Variants in GPC5 observed in about 807,000 individuals in gnomAD.
The protein encoded by GPC5 is glypican-5.
A neutral mutation model predicts 53.9 loss-of-function variants in GPC5; 47 were observed. That is an observed-to-expected ratio of 0.87 (90% CI 0.69 to 1.11). The LOEUF is 1.11. Ranked by LOEUF, GPC5 falls within the 50% of genes most tolerant of loss-of-function variation. The pLI is 0.00. For synonymous variants in GPC5, 286 were observed against 263.3 expected (o/e 1.09, Z -0.84); for missense variants, 748 against 713.1 (o/e 1.05, Z -0.56).
At chr13:92,403,827 CATT>C (rs1875669152) in intron 7 of GPC5, among the ~76,000 whole-genome samples, 1 of 152,128 alleles carries the variant, frequency 6.6e-6, no homozygotes, top group Non-Finnish European at 1.5e-5. Flanking sequence ...GCTGATTTTA[CATT>C]ATTTTGCTGA....
At chr13:92,840,589 C>A (rs1365912965) in intron 7 of GPC5, among the ~76,000 whole-genome samples, 1 of 151,988 alleles carries the variant, frequency 6.6e-6, no homozygotes, top group Non-Finnish European at 1.5e-5. Context: ...TTTGGAGTCC[C>A]TGAAGAATCC....
chr13:92,566,285 A>C (rs1432362872), intron 7 of GPC5, among the ~76,000 whole-genome samples: 1 of 152,120 alleles, frequency 6.6e-6, no homozygotes, highest in Non-Finnish European at 1.5e-5. Flanking sequence ...AGAAATCAGC[A>C]CCTGTCATCT....
rs138803913 is a variant in GPC5 at position 92,797,146 on chromosome 13, G to T, written c.1562-69136G>T. On this transcript the variant is annotated intron_variant, in intron 7 of 7. Transcript: ENST00000377067. ...TTTAAAATGAGAATACTACTACAGA[G>T]AAATTGTATAAAGCTTTTCCATCTT... 4.9e-4 allele frequency among the ~76,000 whole-genome samples: 74 copies of T among 151,988 alleles called. 1 individual carries two copies. In the East Asian group the frequency reaches 0.011, roughly 22 times the overall value.
At chr13:92,420,857 A>G (rs1297857361) in intron 7 of GPC5, among the ~76,000 whole-genome samples, 1 of 152,176 alleles carries the variant, frequency 6.6e-6, no homozygotes, top group African/African-American at 2.4e-5. Flanking sequence ...ACTCCATTGT[A>G]TATATGCACC....
In GPC5 at chr13:91,759,724, C is replaced by T. The variant is rs1453917750; in HGVS notation, c.1280+3304C>T. Reference sequence around the variant, plus strand: ...GAATGAGATTTTTTTTTTCTCAATGCCAACTCAATGGTAAAATGTAAGTAT... The same window carrying T: ...GAATGAGATTTTTTTTTTCTCAATGTCAACTCAATGGTAAAATGTAAGTAT... On this transcript the variant is annotated intron_variant, in intron 5 of 7. Transcript: ENST00000377067. Among the ~76,000 whole-genome samples, 33 of 151,678 alleles carry T rather than the reference C, an allele frequency of 2.2e-4. 1 individual carries two copies. Among genetic ancestry groups the T allele is most frequent in the Admixed American group, 2.2e-3 (33 of 15,200 alleles).
At chr13:91,965,236 T>TA (rs1389487930) in intron 6 of GPC5, among the ~76,000 whole-genome samples, 1 of 151,988 alleles carries the variant, frequency 6.6e-6, no homozygotes, top group African/African-American at 2.4e-5. Flanking sequence ...TATAATAATA[T>TA]AAAAAAGCAC....
At chr13:92,200,072 T>C (rs540861309) in intron 7 of GPC5, among the ~76,000 whole-genome samples, 20 of 152,322 alleles carry the variant, frequency 1.3e-4, no homozygotes, top group African/African-American at 4.6e-4. Flanking sequence ...AACTTTAAAT[T>C]TGGCCAAGCT....
intron 7 of GPC5, among the ~76,000 whole-genome samples, chr13:92,705,529 T>G (rs1463130402): frequency 6.6e-6 from 1 of 152,144 alleles, no homozygotes; most frequent in African/African-American, 2.4e-5. Flanking sequence ...AAAATAAGAA[T>G]GTAAAAATCT....
chr13:91,760,070 G>T (rs916947299), intron 5 of GPC5, among the ~76,000 whole-genome samples: 2 of 151,950 alleles, frequency 1.3e-5, no homozygotes, highest in Non-Finnish European at 2.9e-5. Context: ...AGGTGTTAAA[G>T]TGATACAAGA....
intron 7 of GPC5, among the ~76,000 whole-genome samples, chr13:92,802,079 GA>G (rs555919082): frequency 7.9e-5 from 12 of 151,640 alleles, no homozygotes; most frequent in East Asian, 3.9e-4. Flanking sequence ...TATTCACCCA[GA>G]GCAATTACCA....
intron 7 of GPC5, among the ~76,000 whole-genome samples, chr13:92,835,573 C>T (rs1214696206): frequency 6.6e-6 from 1 of 151,972 alleles, no homozygotes; most frequent in African/African-American, 2.4e-5. Flanking sequence ...AAGAATTTCA[C>T]TACTGAAGGA....
At chr13:92,484,506 G>T (rs1277849826) in intron 7 of GPC5, 3 of 152,122 alleles carry the variant, frequency 2.0e-5, no homozygotes, top group African/African-American at 7.2e-5. Context: ...CAGTAGGTTT[G>T]TCTACATCAG....
intron 1 of GPC5, among the ~76,000 whole-genome samples, chr13:91,426,503 G>C (rs1015006260): frequency 3.7e-4 from 56 of 152,216 alleles, no homozygotes; most frequent in African/African-American, 1.3e-3. Context: ...GAGGAGCCAG[G>C]AAGCCAGTTT....
intron 2 of GPC5, among the ~76,000 whole-genome samples, chr13:91,654,017 T>C (rs16946409): frequency 0.23 from 34,355 of 151,974 alleles, 4,963 homozygotes; most frequent in African/African-American, 0.4. Flanking sequence ...GTAACCATTG[T>C]TCTACTTCAT....
rs563724629 is a variant in GPC5 at position 92,286,143 on chromosome 13, C to T, written c.1561+141154C>T. Among the ~76,000 whole-genome samples the T allele has an allele frequency of 1.9e-4, 29 of 152,306 alleles. No individual in the cohort carries two copies. The East Asian group carries it at 3.7e-3, about 19-fold the overall frequency. ...AACAGACACGTGAAAAAATGCTCAT[C>T]ATCACTGGCCATCAGAGAAATGCAA... On this transcript the variant is annotated intron_variant, in intron 7 of 7. Transcript: ENST00000377067.
At chr13:92,845,261 C>A (rs1744020325) in intron 7 of GPC5, among the ~76,000 whole-genome samples, 1 of 152,106 alleles carries the variant, frequency 6.6e-6, no homozygotes, top group Non-Finnish European at 1.5e-5. Flanking sequence ...AAAATAACGT[C>A]CAGAGAAACG....
In GPC5 at chr13:92,757,358, G is replaced by C. The variant is rs140404280; in HGVS notation, c.1562-108924G>C. On this transcript the variant is annotated intron_variant, in intron 7 of 7. Coordinates refer to ENST00000377067, the MANE Select transcript of GPC5 (RefSeq NM_004466.6). ...AGATGGATTAAAGACTTAAATGTTA[G>C]ACCTAAAACCATAAAAACCATGGAA... Among the ~76,000 whole-genome samples the C allele has an allele frequency of 8.3e-3, 1,271 of 152,242 alleles. 17 individuals are homozygous for C. Among genetic ancestry groups the C allele is most frequent in the African/African-American group, 0.029 (1,218 of 41,520 alleles).
chr13:92,008,451 T>C (rs375315346), intron 6 of GPC5, among the ~76,000 whole-genome samples: 16 of 152,108 alleles, frequency 1.1e-4, no homozygotes, highest in African/African-American at 3.6e-4. Flanking sequence ...GTCATTTTTC[T>C]TCCCCATGAG....
chr13:92,229,085 G>A (rs956341966), intron 7 of GPC5, among the ~76,000 whole-genome samples: 1 of 152,080 alleles, frequency 6.6e-6, no homozygotes, highest in Non-Finnish European at 1.5e-5. Context: ...GTACATAGTT[G>A]TGAAAATGTA....
Sources: gnomAD v4.1 joint callset for allele counts (sites outside exome capture counted in the v4.1 genomes callset) on GRCh38, gnomAD v4.1.1 for gene constraint, MANE v1.5 for transcripts, NCBI Gene and HGNC (gene_info 2026-07-23, HGNC 2026-07-21) for gene names.